CSMD3: variants seen among roughly 807,000 people sequenced by gnomAD.
CSMD3 encodes CUB and Sushi multiple domains 3.
CSMD3 carries 177 observed loss-of-function variants against 435.2 expected under a neutral mutation model. The observed-to-expected ratio is 0.41, with a 90% CI of 0.36 to 0.46. The LOEUF (loss-of-function observed/expected upper bound fraction) is 0.46. CSMD3 is among the 20% of genes least tolerant of loss of function. The probability of loss-of-function intolerance (pLI) is 0.34; values close to 1 mark genes in which losing one functional copy is unlikely to be tolerated. For missense variants in CSMD3, 4,265 were observed against 4,504.6 expected, an observed-to-expected ratio of 0.95 and a Z score of 1.52; for synonymous variants, 1,656 against 1,520.5, an observed-to-expected ratio of 1.09 and a Z score of -2.07.
chr8:112,402,231 A>G (rs1036112456), intron 35 of CSMD3, among the ~76,000 whole-genome samples: 18 of 152,194 alleles, frequency 1.2e-4, no homozygotes, highest in Admixed American at 9.2e-4. Flanking sequence ...ACTCACTTCA[A>G]TTCAGTCATG....
chr8:113,092,078 C>T (rs1044276488), intron 5 of CSMD3, among the ~76,000 whole-genome samples: 1 of 151,994 alleles, frequency 6.6e-6, no homozygotes, highest in East Asian at 1.9e-4. Flanking sequence ...CTTTGATAAA[C>T]AGTCTTTGTC....
At chr8:112,612,713 T>G (rs1412414944) in intron 22 of CSMD3, among the ~76,000 whole-genome samples, 1 of 27,816 alleles carries the variant, frequency 3.6e-5, no homozygotes, top group Non-Finnish European at 6.8e-5. Context: ...TTTGTTCTTT[T>G]TTTTTTTTTT....
At chr8:112,545,314 T>C (rs916464338) in intron 27 of CSMD3, among the ~76,000 whole-genome samples, 51 of 151,574 alleles carry the variant, frequency 3.4e-4, no homozygotes, top group African/African-American at 1.1e-3. Flanking sequence ...AAACCCCGTC[T>C]CTACTAAAAA....
intron 5 of CSMD3, among the ~76,000 whole-genome samples, chr8:113,039,993 G>T (rs954272291): frequency 3.9e-5 from 6 of 152,126 alleles, no homozygotes; most frequent in Non-Finnish European, 7.4e-5. Context: ...GTTGGAGAGG[G>T]AAAAAATAAA....
At chr8:113,418,203 A>C (rs1042245268) in intron 1 of CSMD3, among the ~76,000 whole-genome samples, 1 of 152,190 alleles carries the variant, frequency 6.6e-6, no homozygotes, top group Admixed American at 6.5e-5. Context: ...GTCAAGAATT[A>C]TAATTCATAT....
At chr8:113,143,955 T>C (rs537103222) in intron 4 of CSMD3, among the ~76,000 whole-genome samples, 1 of 151,598 alleles carries the variant, frequency 6.6e-6, no homozygotes, top group African/African-American at 2.4e-5. Flanking sequence ...GGGTAGTGGA[T>C]ACATGAACTT....
chr8:112,786,813 G>A (rs928478359), intron 13 of CSMD3, among the ~76,000 whole-genome samples: 4 of 152,002 alleles, frequency 2.6e-5, no homozygotes, highest in Admixed American at 1.3e-4. Flanking sequence ...AGGCATACAC[G>A]TGTCATGGTG....
chr8:112,343,249 T>G (rs968025408), intron 41 of CSMD3, among the ~76,000 whole-genome samples: 2 of 151,996 alleles, frequency 1.3e-5, no homozygotes, highest in Non-Finnish European at 2.9e-5. Flanking sequence ...TTTTAATAAT[T>G]CATTTTAAAA....
chr8:113,101,989 A>G (rs1162206200), intron 4 of CSMD3, among the ~76,000 whole-genome samples: 1 of 152,128 alleles, frequency 6.6e-6, no homozygotes. Flanking sequence ...GTCAATTTAA[A>G]AAGAACTTAT....
chr8:112,364,724 T>A (rs922252762), intron 38 of CSMD3, among the ~76,000 whole-genome samples: 2 of 151,948 alleles, frequency 1.3e-5, no homozygotes, highest in Non-Finnish European at 2.9e-5. Flanking sequence ...CTACCAACAA[T>A]CAATATATTT....
At chr8:112,877,163 C>T (rs962305068) in intron 10 of CSMD3, among the ~76,000 whole-genome samples, 7 of 152,004 alleles carry the variant, frequency 4.6e-5, no homozygotes, top group African/African-American at 1.7e-4. Flanking sequence ...GAATCAATAT[C>T]GTGAAAATGG....
Position 112,228,771 on chromosome 8 carries a change from T to A in CSMD3, c.10949A>T (p.Tyr3650Phe), listed in dbSNP as rs1812808129. The A allele has an allele frequency of 1.9e-6, 3 of 1,596,756 alleles. No homozygotes were observed. The highest frequency in any genetic ancestry group is 2.6e-6 in the Non-Finnish European group (3 of 1,165,046). The change falls in exon 70 of 71, where the codon TAT (tyrosine) becomes TTT (phenylalanine). Residue 3650 changes from tyrosine to phenylalanine, a missense_variant. Coordinates refer to ENST00000297405, the MANE Select transcript of CSMD3 (RefSeq NM_198123.2). ...FALIFAGFGFYLYKQRTAPKT... is the reference protein window; with the variant it reads ...FALIFAGFGFFLYKQRTAPKT... ...ATGAGCTTACCTTTGTTTATAAAGA[T>A]AAAATCCAAATCCTGCAAATATAAG...
intron 3 of CSMD3, among the ~76,000 whole-genome samples, chr8:113,268,525 T>C (rs2093491813): frequency 6.6e-6 from 1 of 151,910 alleles, no homozygotes; most frequent in African/African-American, 2.4e-5. Context: ...TAGAAAATTT[T>C]TCTGCAGAAA....
At chr8:112,457,373 C>T (rs775193199) in intron 32 of CSMD3, among the ~76,000 whole-genome samples, 4 of 152,008 alleles carry the variant, frequency 2.6e-5, no homozygotes, top group East Asian at 1.9e-4. Flanking sequence ...TAAGCCTGTA[C>T]AATTTTATCA....
rs190994514 is a variant in CSMD3, at chr8:113,035,656, C to T, written c.918-16477G>A. ...GTAAATAAAATATACATCAATACAT[C>T]TAAGAAAAAAATAATTTTAAGATGT... On this transcript the variant is annotated intron_variant, in intron 5 of 70. Coordinates refer to ENST00000297405, the MANE Select transcript of CSMD3 (RefSeq NM_198123.2). Among the ~76,000 whole-genome samples the T allele has an allele frequency of 4.0e-5, 6 of 151,844 alleles. No homozygotes were observed. In the East Asian group the frequency reaches 1.2e-3, roughly 29 times the overall value.
chr8:112,795,065 TA>T (rs1240487750), intron 13 of CSMD3, among the ~76,000 whole-genome samples: 4 of 152,250 alleles, frequency 2.6e-5, no homozygotes, highest in Admixed American at 2.6e-4. Context: ...TTTCTTACTC[TA>T]AAAAACATGT....
At chr8:112,269,670 A>G (rs1586601612) in intron 59 of CSMD3, among the ~76,000 whole-genome samples, 1 of 152,280 alleles carries the variant, frequency 6.6e-6, no homozygotes, top group East Asian at 1.9e-4. Flanking sequence ...ATCCCAAAAC[A>G]TTTTGTACTG....
chr8:112,363,153 C>T (rs758360954), intron 38 of CSMD3, among the ~76,000 whole-genome samples: 4 of 151,944 alleles, frequency 2.6e-5, no homozygotes, highest in South Asian at 2.1e-4. Context: ...TTTTCTATGC[C>T]TCAGTTTCCT....
intron 3 of CSMD3, among the ~76,000 whole-genome samples, chr8:113,243,977 AG>A (rs1186065510): frequency 6.6e-6 from 1 of 152,136 alleles, no homozygotes; most frequent in African/African-American, 2.4e-5. Context: ...TTCGGTTGTA[AG>A]CATTCTTCAT....
Sources: gnomAD v4.1 joint callset for allele counts (sites outside exome capture counted in the v4.1 genomes callset) on GRCh38, gnomAD v4.1.1 for gene constraint, MANE v1.5 for transcripts, NCBI Gene and HGNC (gene_info 2026-07-23, HGNC 2026-07-21) for gene names.